Variants in SLMAP observed in about 807,000 individuals in gnomAD.
SLMAP encodes sarcolemma associated protein.
A neutral mutation model predicts 128.8 loss-of-function variants in SLMAP; 44 were observed. The observed-to-expected ratio is 0.34, with a 90% CI of 0.27 to 0.44. The LOEUF is 0.44. Ranked by LOEUF, SLMAP falls within the 20% of genes least tolerant of loss-of-function variation. The probability of loss-of-function intolerance (pLI) is 1.00; values close to 1 mark genes in which losing one functional copy is unlikely to be tolerated. For synonymous variants in SLMAP, 327 were observed against 348.8 expected (o/e 0.94, Z 0.70); for missense variants, 787 against 985.3 (o/e 0.80, Z 2.69).
chr3:57,917,981 G>A (rs2096846273), intron 22 of SLMAP: 1 of 152,176 alleles, frequency 6.6e-6, no homozygotes, highest in East Asian at 1.9e-4. Context: ...AATCAATGCA[G>A]TTTTTCTTTG....
chr3:57,860,835 T>C lies in SLMAP; in HGVS notation c.824T>C (p.Val275Ala), dbSNP rs138336324. 4 of 1,583,972 alleles carry C rather than the reference T, an allele frequency of 2.5e-6. No individual in the cohort carries two copies. Among genetic ancestry groups the C allele is most frequent in the Non-Finnish European group, 3.4e-6 (4 of 1,172,064 alleles). The change falls in exon 9 of 25, where the codon GTT becomes GCT. Residue 275 changes from valine to alanine, a missense_variant. Physicochemically the swap from Val to Ala is moderately conservative, Grantham distance 64. This residue lies in a region of SLMAP where 715 missense variants were observed against 843.6 expected (regional missense o/e 0.85). Coordinates refer to ENST00000671191, the MANE Select transcript of SLMAP (RefSeq NM_001377540.1). ...KIEVVRKLSE[V>A]ERSLSNTEDE... ...GAAGTGGTTAGAAAACTTTCAGAAG[T>C]TGAGGTATTTCAATCAAAAAAAAAA...
At position 57,927,472 on chromosome 3, in the gene SLMAP, C is replaced by T; in HGVS notation, c.*183C>T. ...TGGGGACAAACAGAACCATTTTCTT[C>T]CTCTTTACCTCTTAAAACAGCAGAA... On this transcript the variant is annotated 3_prime_UTR_variant, in exon 25 of 25. Transcript: ENST00000671191. 1 of 675,224 alleles carries T rather than the reference C, an allele frequency of 1.5e-6. No individual in the cohort carries two copies. The highest frequency in any genetic ancestry group is 2.5e-6 in the Non-Finnish European group (1 of 402,214). The allele number at this position is 675,224 out of a possible 1,614,324, so 41.8% of individuals were successfully genotyped here. A position where few individuals can be genotyped will look rare whatever the true frequency, so the allele number is the denominator to read the frequency against.
In SLMAP at chr3:57,802,732, A is replaced by G. The variant is rs2088845964; in HGVS notation, c.199-28651A>G. ...TAGTTAATTCATTTTTATTTCAGCT[A>G]GACTATATTTTGTTTATATAGTGTT... is the stretch of plus-strand genomic sequence containing the variant. On this transcript the variant is annotated intron_variant, in intron 2 of 24. Coordinates refer to ENST00000671191, the MANE Select transcript of SLMAP (RefSeq NM_001377540.1). Among the ~76,000 whole-genome samples, 3 of 152,178 alleles carry G rather than the reference A, an allele frequency of 2.0e-5. No individual in the cohort carries two copies. The South Asian group carries it at 6.2e-4, about 31-fold the overall frequency.
At chr3:57,863,936 A>T (rs2095209696) in intron 10 of SLMAP, among the ~76,000 whole-genome samples, 1 of 152,186 alleles carries the variant, frequency 6.6e-6, no homozygotes, top group Non-Finnish European at 1.5e-5. Flanking sequence ...TTTAGGGAAA[A>T]ATCTTACTTC....
chr3:57,898,473 G>C (rs1166876322), intron 17 of SLMAP: 3 of 151,994 alleles, frequency 2.0e-5, no homozygotes, highest in Non-Finnish European at 4.4e-5. Flanking sequence ...GTACATAGTA[G>C]GTGTATATAT....
chr3:57,923,161 T>C, intron 23 of SLMAP, 138 bp downstream of exon 23: 4 of 840,542 alleles, frequency 4.8e-6, no homozygotes, highest in South Asian at 1.7e-5. Flanking sequence ...AATTCCATGA[T>C]AGAATCATTG....
At chr3:57,875,162 A>G (rs1455248293) in intron 14 of SLMAP, among the ~76,000 whole-genome samples, 1 of 152,196 alleles carries the variant, frequency 6.6e-6, no homozygotes, top group African/African-American at 2.4e-5. Context: ...CTAAACAGGT[A>G]GTACCTACAT....
At chr3:57,780,000 A>G (rs1256042923) in intron 2 of SLMAP, among the ~76,000 whole-genome samples, 1 of 151,986 alleles carries the variant, frequency 6.6e-6, no homozygotes, top group Non-Finnish European at 1.5e-5. Flanking sequence ...AACTTAATTA[A>G]AATTTTAAAA....
At chr3:57,764,229 C>T (rs777360900) in intron 2 of SLMAP, among the ~76,000 whole-genome samples, 2 of 151,992 alleles carry the variant, frequency 1.3e-5, no homozygotes, top group Admixed American at 6.6e-5. Flanking sequence ...GGGCCGGGTG[C>T]GGTGGCTCAC....
At chr3:57,871,771 G>A (rs1426717045) in intron 14 of SLMAP, 73 bp downstream of exon 14, 3 of 1,141,104 alleles carry the variant, frequency 2.6e-6, no homozygotes, top group Non-Finnish European at 4.0e-6. Flanking sequence ...GAGGTAAAAT[G>A]AGGATCTCAA....
At chr3:57,908,980 T>G in intron 18 of SLMAP, 96 bp from the exon 19 acceptor site, 1 of 818,660 alleles carries the variant, frequency 1.2e-6, no homozygotes, top group Non-Finnish European at 2.0e-6. Context: ...AATAATCTTT[T>G]AGGAGAGAAT....
chr3:57,843,775 C>CTTTTTTTTTTTTTTT lies in SLMAP; in HGVS notation c.419+2412_419+2426dup, dbSNP rs775541858. On this transcript the variant is annotated intron_variant, in intron 4 of 24. Coordinates refer to ENST00000671191, the MANE Select transcript of SLMAP (RefSeq NM_001377540.1). ...TTCTCTCTCTTTCTTTCTTTTCTTT[C>CTTTTTTTTTTTTTTT]TTTTTTTTTTTTTTTTTTTTTTGAG... 1.4e-3 allele frequency among the ~76,000 whole-genome samples: 111 copies of CTTTTTTTTTTTTTTT among 77,114 alleles called. 1 individual carries two copies. Among genetic ancestry groups the CTTTTTTTTTTTTTTT allele is most frequent in the East Asian group, 2.7e-3 (6 of 2,192 alleles). 50.6% of individuals were successfully genotyped at this position (77,114 alleles called of 152,430 possible). A position where few individuals can be genotyped will look rare whatever the true frequency, so the allele number is the denominator to read the frequency against.
At chr3:57,784,634 G>C (rs2083719711) in intron 2 of SLMAP, among the ~76,000 whole-genome samples, 1 of 152,250 alleles carries the variant, frequency 6.6e-6, no homozygotes, top group South Asian at 2.1e-4. Flanking sequence ...GTTGATATTG[G>C]AATGAGTTAA....
intron 17 of SLMAP, chr3:57,897,846 TA>T (rs2096277452): frequency 6.6e-6 from 1 of 152,236 alleles, no homozygotes; most frequent in Admixed American, 6.5e-5. Context: ...TCAGCATTTA[TA>T]AAAATGTTTT....
intron 14 of SLMAP, among the ~76,000 whole-genome samples, chr3:57,877,142 C>A (rs2095622715): frequency 6.6e-6 from 1 of 151,336 alleles, no homozygotes; most frequent in Non-Finnish European, 1.5e-5. Flanking sequence ...TATTTTATGT[C>A]TTACTGTTTT....
chr3:57,866,816 C>T (rs1252949009), intron 13 of SLMAP, among the ~76,000 whole-genome samples: 8 of 150,432 alleles, frequency 5.3e-5, no homozygotes, highest in Non-Finnish European at 1.2e-4. Context: ...CCCAGGAGGT[C>T]GAGGCTGCAG....
intron 2 of SLMAP, among the ~76,000 whole-genome samples, chr3:57,829,692 T>G (rs2093199506): frequency 6.6e-6 from 1 of 152,226 alleles, no homozygotes; most frequent in South Asian, 2.1e-4. Flanking sequence ...AGTTGGTCTA[T>G]TTTGAATTAT....
At chr3:57,805,324 A>C (rs1219728821) in intron 2 of SLMAP, among the ~76,000 whole-genome samples, 1 of 152,144 alleles carries the variant, frequency 6.6e-6, no homozygotes, top group Non-Finnish European at 1.5e-5. Context: ...TGAACCCTGG[A>C]GTCTGAATTT....
At chr3:57,865,612 A>G (rs1358130864) in intron 13 of SLMAP, among the ~76,000 whole-genome samples, 1 of 152,152 alleles carries the variant, frequency 6.6e-6, no homozygotes, top group Non-Finnish European at 1.5e-5. Flanking sequence ...TGTTTCATCA[A>G]GTTCTGCCTC....
Sources: gnomAD v4.1 joint callset for allele counts (sites outside exome capture counted in the v4.1 genomes callset) on GRCh38, gnomAD v4.1.1 for gene constraint, gnomAD v4.1.1 regional missense constraint, MANE v1.5 for transcripts, NCBI Gene and HGNC (gene_info 2026-07-23, HGNC 2026-07-21) for gene names.